MAPK10: variants seen among roughly 807,000 people sequenced by gnomAD.
MAPK10 encodes the protein mitogen-activated protein kinase 10, also known as JNK3 alpha protein kinase.
A neutral mutation model predicts 59.3 loss-of-function variants in MAPK10; 25 were observed. The ratio of observed to expected loss-of-function variants is 0.42; its 90% CI spans 0.31 to 0.59. The LOEUF is 0.59. MAPK10 is among the 20% of genes least tolerant of loss of function. The pLI is 0.15. For synonymous variants in MAPK10, 190 were observed against 200.5 expected (o/e 0.95, Z 0.44); for missense variants, 351 against 568.9 (o/e 0.62, Z 3.90).
intron 9 of MAPK10, chr4:86,081,600 A>T (rs1226756996): frequency 6.6e-6 from 1 of 152,012 alleles, no homozygotes; most frequent in Non-Finnish European, 1.5e-5. Context: ...ACAGGAAAAG[A>T]TCCTTAGCCT....
At chr4:86,161,978 C>T (rs746178105) in intron 3 of MAPK10, among the ~76,000 whole-genome samples, 4 of 151,840 alleles carry the variant, frequency 2.6e-5, no homozygotes, top group African/African-American at 4.8e-5. Flanking sequence ...AGAAGCTTAA[C>T]GATTCATGTC....
intron 1 of MAPK10, among the ~76,000 whole-genome samples, chr4:86,442,694 C>G (rs1332553325): frequency 1.3e-5 from 2 of 148,984 alleles, no homozygotes; most frequent in Admixed American, 1.3e-4. Context: ...TTTTTTCCCA[C>G]TCTGTTTCTG....
chr4:86,487,708 G>A (rs1228219245), intron 1 of MAPK10, among the ~76,000 whole-genome samples: 3 of 147,186 alleles, frequency 2.0e-5, no homozygotes, highest in Non-Finnish European at 4.5e-5. Flanking sequence ...TCCAGCCTGG[G>A]CAACAGCACG....
chr4:86,051,615 CAT>C (rs1278150993), intron 11 of MAPK10, among the ~76,000 whole-genome samples: 2 of 152,208 alleles, frequency 1.3e-5, no homozygotes, highest in Non-Finnish European at 2.9e-5. Context: ...CATCACCACA[CAT>C]ATTCATTTTC....
chr4:86,074,508 G>A (rs1180442284), intron 9 of MAPK10, among the ~76,000 whole-genome samples: 1 of 141,352 alleles, frequency 7.1e-6, no homozygotes, highest in African/African-American at 2.8e-5. Flanking sequence ...TTACATTTTG[G>A]CATGATTTTG....
At chr4:86,582,008 CT>C (rs1762346790) in intron 1 of MAPK10, among the ~76,000 whole-genome samples, 1 of 144,846 alleles carries the variant, frequency 6.9e-6, no homozygotes, top group Admixed American at 7.0e-5. Flanking sequence ...CAAACAGGAA[CT>C]TATTTTTTGT....
intron 2 of MAPK10, among the ~76,000 whole-genome samples, chr4:86,237,644 T>C (rs963601923): frequency 1.3e-5 from 2 of 152,244 alleles, no homozygotes; most frequent in African/African-American, 4.8e-5. Flanking sequence ...CTTGGCCACA[T>C]AAATGTCTTC....
intron 3 of MAPK10, among the ~76,000 whole-genome samples, chr4:86,163,151 C>T (rs77052796): frequency 5.9e-5 from 9 of 152,102 alleles, no homozygotes; most frequent in East Asian, 5.8e-4. Context: ...CTAGTTTAAG[C>T]GGTAAGGCAT....
intron 1 of MAPK10, among the ~76,000 whole-genome samples, chr4:86,443,989 G>T (rs1161400683): frequency 6.6e-6 from 1 of 150,744 alleles, no homozygotes; most frequent in Non-Finnish European, 1.5e-5. Context: ...TTTTGGGAAA[G>T]AATCTGAGTT....
intron 2 of MAPK10, among the ~76,000 whole-genome samples, chr4:86,209,071 T>C (rs1160904478): frequency 6.6e-6 from 1 of 152,018 alleles, no homozygotes; most frequent in African/African-American, 2.4e-5. Context: ...GTTCCACTTG[T>C]ATGTATCTAC....
chr4:86,144,510 A>G (rs1304617128), intron 4 of MAPK10, among the ~76,000 whole-genome samples: 1 of 152,208 alleles, frequency 6.6e-6, no homozygotes, highest in South Asian at 2.1e-4. Context: ...TGAATCCCAG[A>G]GCATACATTT....
chr4:86,578,322 T>C (rs939820981), intron 1 of MAPK10, among the ~76,000 whole-genome samples: 2 of 152,102 alleles, frequency 1.3e-5, no homozygotes, highest in Admixed American at 1.3e-4. Flanking sequence ...GGTTAAGAAA[T>C]AATATCCAGA....
chr4:86,478,260 C>A (rs930752576), intron 1 of MAPK10, among the ~76,000 whole-genome samples: 4 of 152,178 alleles, frequency 2.6e-5, no homozygotes, highest in Non-Finnish European at 5.9e-5. Context: ...TTGAAGAGAG[C>A]TTTAGAGACT....
At chr4:86,472,248 C>T (rs1202297960) in intron 1 of MAPK10, among the ~76,000 whole-genome samples, 2 of 152,144 alleles carry the variant, frequency 1.3e-5, no homozygotes, top group Non-Finnish European at 2.9e-5. Flanking sequence ...ATGTATTCTA[C>T]AATTTTACTT....
At chr4:86,036,869 A>G (rs2040415631) in intron 11 of MAPK10, among the ~76,000 whole-genome samples, 1 of 152,236 alleles carries the variant, frequency 6.6e-6, no homozygotes, top group African/African-American at 2.4e-5. Flanking sequence ...TGGACACTCT[A>G]CATAGCAATG....
chr4:86,314,822 A>G (rs2095745501), intron 2 of MAPK10, among the ~76,000 whole-genome samples: 1 of 152,178 alleles, frequency 6.6e-6, no homozygotes, highest in Admixed American at 6.6e-5. Context: ...ATTGATATGC[A>G]TAACAAACTT....
At chr4:86,046,648 T>A (rs966936826) in intron 11 of MAPK10, among the ~76,000 whole-genome samples, 1 of 152,120 alleles carries the variant, frequency 6.6e-6, no homozygotes, top group South Asian at 2.1e-4. Context: ...GGTAAAGAGA[T>A]GAAATAAATT....
intron 4 of MAPK10, among the ~76,000 whole-genome samples, chr4:86,154,180 C>T (rs890943243): frequency 1.3e-5 from 2 of 152,026 alleles, no homozygotes; most frequent in African/African-American, 2.4e-5. Context: ...CTTTGGAAAA[C>T]CTCTGGATGA....
intron 1 of MAPK10, among the ~76,000 whole-genome samples, chr4:86,426,398 T>A (rs1234685850): frequency 1.3e-5 from 2 of 152,188 alleles, no homozygotes; most frequent in Admixed American, 1.3e-4. Context: ...TTGAAGTAAA[T>A]GAAACATTTT....
Sources: allele counts gnomAD v4.1 joint callset (sites outside exome capture counted in the v4.1 genomes callset), GRCh38; gene constraint gnomAD v4.1.1; transcripts MANE v1.5; gene names NCBI Gene and HGNC (gene_info 2026-07-23, HGNC 2026-07-21).